SCLT1: variants seen among roughly 807,000 people sequenced by gnomAD.
The protein encoded by SCLT1 is sodium channel and clathrin linker 1.
Under a neutral mutation model 112.8 loss-of-function variants are expected in SCLT1, and 78 were observed. The ratio of observed to expected loss-of-function variants is 0.69; its 90% CI spans 0.58 to 0.83. SCLT1 has a LOEUF of 0.83. SCLT1 is among the 40% of genes least tolerant of loss of function. The probability of loss-of-function intolerance (pLI) is 0.00; values close to 1 mark genes in which losing one functional copy is unlikely to be tolerated. For missense variants in SCLT1, 747 were observed against 770.4 expected (o/e 0.97, Z 0.36); for synonymous variants, 257 against 254.7 (o/e 1.01, Z -0.09).
At chr4:128,900,864 G>C (rs1450958050) in intron 18 of SCLT1, among the ~76,000 whole-genome samples, 1 of 152,060 alleles carries the variant, frequency 6.6e-6, no homozygotes. Context: ...GTGGGTGAAG[G>C]ACATGAACAG....
chr4:129,027,771 G>T (rs1746262726), intron 5 of SCLT1, among the ~76,000 whole-genome samples: 1 of 152,148 alleles, frequency 6.6e-6, no homozygotes, highest in Non-Finnish European at 1.5e-5. Context: ...TGTATATCTA[G>T]AAAACCCCAT....
intron 18 of SCLT1, among the ~76,000 whole-genome samples, chr4:128,920,633 C>G (rs931030203): frequency 6.6e-6 from 1 of 152,116 alleles, no homozygotes; most frequent in African/African-American, 2.4e-5. Context: ...TAAAAACCCT[C>G]AACAAACTAG....
intron 4 of SCLT1, chr4:129,039,950 G>T: frequency 6.4e-6 from 3 of 465,248 alleles, no homozygotes; most frequent in Non-Finnish European, 1.2e-5. Context: ...GAATTTACAT[G>T]TAAAAGCATG....
At chr4:129,023,686 G>A (rs559242911) in intron 5 of SCLT1, among the ~76,000 whole-genome samples, 1 of 152,156 alleles carries the variant, frequency 6.6e-6, no homozygotes, top group African/African-American at 2.4e-5. Flanking sequence ...GACAGTGGGT[G>A]CAGGACAGTG....
chr4:129,003,212 C>T (rs1665745237), intron 6 of SCLT1, among the ~76,000 whole-genome samples: 2 of 151,996 alleles, frequency 1.3e-5, no homozygotes, highest in South Asian at 4.1e-4. Flanking sequence ...CATGTTCTCA[C>T]TCATAAGTGG....
chr4:129,025,656 A>G (rs1472297633), intron 5 of SCLT1, among the ~76,000 whole-genome samples: 5 of 152,164 alleles, frequency 3.3e-5, no homozygotes, highest in Non-Finnish European at 7.3e-5. Context: ...GAGCAAAATA[A>G]CCAGCTAACA....
At chr4:129,082,221 G>A (rs1333329426) in intron 2 of SCLT1, 85 bp downstream of exon 2, 3 of 544,846 alleles carry the variant, frequency 5.5e-6, no homozygotes, top group Non-Finnish European at 9.7e-6. Context: ...CCCATTACAG[G>A]AATCAAAGTT....
intron 18 of SCLT1, among the ~76,000 whole-genome samples, chr4:128,929,904 ACTGTTTTAGAGTTTGAGAAG>A (rs1736620714): frequency 6.6e-6 from 1 of 152,202 alleles, no homozygotes; most frequent in African/African-American, 2.4e-5. Flanking sequence ...TCTATTTCTC[ACTGTTTTAGAGTTTGAGAAG>A]TTCAAGATCA....
At chr4:129,084,090 A>G (rs577787826) in intron 1 of SCLT1, among the ~76,000 whole-genome samples, 1 of 152,344 alleles carries the variant, frequency 6.6e-6, no homozygotes, top group Admixed American at 6.5e-5. Flanking sequence ...CATCATACTC[A>G]TGAGTAAAAA....
At chr4:128,992,737 A>G (rs1579623664) in intron 8 of SCLT1, among the ~76,000 whole-genome samples, 1 of 152,036 alleles carries the variant, frequency 6.6e-6, no homozygotes, top group African/African-American at 2.4e-5. Context: ...TCTTCTCTTG[A>G]TACCACTTCC....
chr4:128,987,034 A>T (rs937767318), intron 9 of SCLT1, among the ~76,000 whole-genome samples: 3 of 152,092 alleles, frequency 2.0e-5, no homozygotes, highest in Admixed American at 6.5e-5. Context: ...AAGTCTAGCA[A>T]GTCTGTGTAT....
chr4:128,875,506 T>G (rs1231753119), intron 4 of SCLT1, among the ~76,000 whole-genome samples: 1 of 152,196 alleles, frequency 6.6e-6, no homozygotes, highest in African/African-American at 2.4e-5. Flanking sequence ...CAACGTAGAC[T>G]TCAGGGTCAG....
At chr4:129,057,702 CAT>C (rs1397505168) in intron 2 of SCLT1, among the ~76,000 whole-genome samples, 2 of 151,450 alleles carry the variant, frequency 1.3e-5, no homozygotes, top group Non-Finnish European at 2.9e-5. Flanking sequence ...AATTTATTGA[CAT>C]ATAATTGTTC....
At chr4:129,059,029 T>C (rs1203794135) in intron 2 of SCLT1, among the ~76,000 whole-genome samples, 1 of 152,216 alleles carries the variant, frequency 6.6e-6, no homozygotes, top group East Asian at 1.9e-4. Context: ...TTCATCATTA[T>C]ACAATGACTT....
chr4:128,933,720 ACT>A (rs1736961460), intron 18 of SCLT1, among the ~76,000 whole-genome samples: 1 of 151,870 alleles, frequency 6.6e-6, no homozygotes, highest in Admixed American at 6.6e-5. Context: ...GAGTTCATAA[ACT>A]CTTATTTCCA....
chr4:129,062,621 C>G (rs1171678520), intron 2 of SCLT1, among the ~76,000 whole-genome samples: 2 of 152,056 alleles, frequency 1.3e-5, no homozygotes, highest in African/African-American at 4.8e-5. Flanking sequence ...CTAGGAAAAG[C>G]TTTATCTCTC....
chr4:128,881,485 A>C (rs116614767), downstream of SCLT1, among the ~76,000 whole-genome samples: 1,073 of 152,298 alleles, frequency 7.0e-3, 7 homozygotes, highest in Non-Finnish European at 0.01. Flanking sequence ...GGTGGTTATA[A>C]TTCTCACACC....
At chr4:129,021,357 G>GA (rs1745455573) in intron 5 of SCLT1, among the ~76,000 whole-genome samples, 1 of 152,212 alleles carries the variant, frequency 6.6e-6, no homozygotes, top group South Asian at 2.1e-4. Flanking sequence ...TGCTCCCCTG[G>GA]AAAGGGGGCT....
intron 5 of SCLT1, among the ~76,000 whole-genome samples, chr4:129,023,275 G>A (rs1285357809): frequency 6.6e-6 from 1 of 152,134 alleles, no homozygotes; most frequent in African/African-American, 2.4e-5. Flanking sequence ...CATGGCGACA[G>A]GATCAAATTC....
Sources: allele counts gnomAD v4.1 joint callset (sites outside exome capture counted in the v4.1 genomes callset), GRCh38; gene constraint gnomAD v4.1.1; transcripts MANE v1.5; gene names NCBI Gene and HGNC (gene_info 2026-07-23, HGNC 2026-07-21).